The following PHACTR1 variants were observed in gnomAD, a reference collection of about 807,000 sequenced individuals.
PHACTR1 encodes the protein RPEL repeat containing 1.
A neutral mutation model predicts 69.2 loss-of-function variants in PHACTR1; 16 were observed. The ratio of observed to expected loss-of-function variants is 0.23; its 90% CI spans 0.16 to 0.35. The LOEUF (loss-of-function observed/expected upper bound fraction) is 0.35. PHACTR1 is among the 10% of genes least tolerant of loss of function. The probability of loss-of-function intolerance (pLI) is 1.00; values close to 1 mark genes in which losing one functional copy is unlikely to be tolerated. For synonymous variants in PHACTR1, 312 were observed against 284.5 expected (o/e 1.10, Z -0.97); for missense variants, 510 against 734.7 (o/e 0.69, Z 3.54).
At chr6:13,188,539 G>T (rs1150604) in intron 7 of PHACTR1, among the ~76,000 whole-genome samples, 2,344 of 152,294 alleles carry the variant, frequency 0.015, 62 homozygotes, top group African/African-American at 0.053. Context: ...GTGGCTAATG[G>T]TCTGGTAGAA....
At chr6:13,104,989 T>C (rs1275377562) in intron 5 of PHACTR1, among the ~76,000 whole-genome samples, 8 of 152,222 alleles carry the variant, frequency 5.3e-5, no homozygotes, top group Non-Finnish European at 1.0e-4. Context: ...TTATCCTCTG[T>C]CCTTTTTCCA....
At chr6:13,133,195 T>A in intron 5 of PHACTR1, among the ~76,000 whole-genome samples, 2 of 114,052 alleles carry the variant, frequency 1.8e-5, no homozygotes, top group African/African-American at 3.6e-5. Flanking sequence ...TGAAAATCTA[T>A]TTGGCCTCCC....
chr6:13,219,969 A>G (rs1176777821), intron 8 of PHACTR1, among the ~76,000 whole-genome samples: 1 of 152,174 alleles, frequency 6.6e-6, no homozygotes, highest in Admixed American at 6.5e-5. Flanking sequence ...ATCACTGCCG[A>G]GTGATCACTG....
chr6:12,791,358 C>T (rs2127661807), intron 4 of PHACTR1, among the ~76,000 whole-genome samples: 1 of 152,234 alleles, frequency 6.6e-6, no homozygotes, highest in Non-Finnish European at 1.5e-5. Flanking sequence ...GAGGAATATA[C>T]TGGAGGAAAT....
intron 4 of PHACTR1, among the ~76,000 whole-genome samples, chr6:12,862,465 G>T (rs1213986021): frequency 6.6e-6 from 1 of 152,034 alleles, no homozygotes; most frequent in African/African-American, 2.4e-5. Context: ...TCCATCTCAG[G>T]GTCACCGGCA....
At chr6:13,101,796 A>C (rs1008953815) in intron 5 of PHACTR1, among the ~76,000 whole-genome samples, 1 of 152,314 alleles carries the variant, frequency 6.6e-6, no homozygotes, top group Middle Eastern at 3.4e-3. Flanking sequence ...TAACTTTTGC[A>C]ATAAGAATGG....
At chr6:12,952,565 A>G (rs919884942) in intron 4 of PHACTR1, among the ~76,000 whole-genome samples, 10 of 152,186 alleles carry the variant, frequency 6.6e-5, no homozygotes, top group Non-Finnish European at 5.9e-5. Flanking sequence ...TTTGCTTTCA[A>G]TGCTAAATAA....
intron 4 of PHACTR1, among the ~76,000 whole-genome samples, chr6:12,920,577 C>T (rs1273042089): frequency 6.6e-6 from 1 of 152,218 alleles, no homozygotes; most frequent in Non-Finnish European, 1.5e-5. Context: ...TTCCTATTTT[C>T]CCTGCCAGGC....
chr6:12,919,259 C>T (rs1293969256), intron 4 of PHACTR1, among the ~76,000 whole-genome samples: 1 of 152,154 alleles, frequency 6.6e-6, no homozygotes, highest in Admixed American at 6.5e-5. Context: ...TCTCCTGCCT[C>T]AGCCTCCCGA....
chr6:12,915,521 G>GAA (rs1047244375), intron 4 of PHACTR1, among the ~76,000 whole-genome samples: 3 of 120,258 alleles, frequency 2.5e-5, no homozygotes, highest in Non-Finnish European at 3.4e-5. Context: ...AAAAAAAAAA[G>GAA]AAAAAAAAAA....
chr6:12,866,388 TC>T (rs1781455579), intron 4 of PHACTR1, among the ~76,000 whole-genome samples: 1 of 152,144 alleles, frequency 6.6e-6, no homozygotes, highest in South Asian at 2.1e-4. Context: ...TCTTCCTCTC[TC>T]CCCACCCTTC....
intron 8 of PHACTR1, among the ~76,000 whole-genome samples, chr6:13,213,694 A>G (rs550995135): frequency 3.9e-5 from 6 of 152,216 alleles, no homozygotes; most frequent in Non-Finnish European, 7.3e-5. Context: ...GACTTCACAC[A>G]GCAGCATAAA....
chr6:13,095,863 CG>C (rs1385352097), intron 5 of PHACTR1, among the ~76,000 whole-genome samples: 1 of 133,114 alleles, frequency 7.5e-6, no homozygotes, highest in Non-Finnish European at 1.5e-5. Context: ...TCACATTTCA[CG>C]TTTTATGTGT....
chr6:13,124,727 G>A (rs773834424), intron 5 of PHACTR1, among the ~76,000 whole-genome samples: 1 of 152,230 alleles, frequency 6.6e-6, no homozygotes, highest in Non-Finnish European at 1.5e-5. Context: ...TGCCCGCATG[G>A]TGGGGTTCTG....
intron 8 of PHACTR1, among the ~76,000 whole-genome samples, chr6:13,211,653 T>C (rs2113915822): frequency 6.6e-6 from 1 of 152,320 alleles, no homozygotes; most frequent in East Asian, 1.9e-4. Context: ...CCTTCCTTTC[T>C]CTGGTTCCCC....
At chr6:12,933,758 T>TA (rs1789130480) in intron 4 of PHACTR1, 1 of 1,612,818 alleles carries the variant, frequency 6.2e-7, no homozygotes, top group Admixed American at 1.7e-5. Context: ...AGCCCCTACA[T>TA]ACACTACATC....
In PHACTR1 at chr6:12,870,457, A is replaced by G. The variant is rs60853187; in HGVS notation, c.250+120667A>G. Among the ~76,000 whole-genome samples the G allele has an allele frequency of 3.1e-3, 468 of 152,328 alleles. 2 individuals are homozygous for G. The highest frequency in any genetic ancestry group is 0.01 in the African/African-American group (426 of 41,564). Reference sequence around the variant, plus strand: ...CTCCCCATTTGGAGAGGGATTTGGTAGAATGATTTTTACTAGAAAATGTCA... The same window carrying G: ...CTCCCCATTTGGAGAGGGATTTGGTGGAATGATTTTTACTAGAAAATGTCA... On this transcript the variant is annotated intron_variant, in intron 4 of 14. Coordinates refer to ENST00000332995, the MANE Select transcript of PHACTR1 (RefSeq NM_030948.6).
At chr6:13,128,102 A>G (rs1020607798) in intron 5 of PHACTR1, among the ~76,000 whole-genome samples, 23 of 51,658 alleles carry the variant, frequency 4.5e-4, no homozygotes, top group Admixed American at 5.2e-4. Flanking sequence ...GCATGGGGGT[A>G]ATTATGGGAA....
chr6:12,733,642 T>A (rs1763858982), intron 3 of PHACTR1, among the ~76,000 whole-genome samples: 1 of 152,234 alleles, frequency 6.6e-6, no homozygotes, highest in Non-Finnish European at 1.5e-5. Context: ...TCCTGTTGTC[T>A]TCTTGTATAT....
Sources: gnomAD v4.1 joint callset for allele counts (sites outside exome capture counted in the v4.1 genomes callset) on GRCh38, gnomAD v4.1.1 for gene constraint, MANE v1.5 for transcripts, NCBI Gene and HGNC (gene_info 2026-07-23, HGNC 2026-07-21) for gene names.